The following PROSER2 variants were observed in gnomAD, a reference collection of about 807,000 sequenced individuals.
PROSER2 encodes the protein proline and serine-rich protein 2.
In PROSER2, 18 loss-of-function variants were observed where a neutral mutation model predicts 14.6. The observed-to-expected ratio is 1.23, with a 90% CI of 0.85 to 1.83. The LOEUF (loss-of-function observed/expected upper bound fraction) is 1.83, where lower values mean the gene tolerates loss of function less well. Among genes scored for constraint, PROSER2 ranks in the 40% most tolerant of loss-of-function variants. The pLI is 0.00. For missense variants in PROSER2, 823 were observed against 629.8 expected (o/e 1.31, Z -3.28); for synonymous variants, 367 against 286.4 (o/e 1.28, Z -2.84).
intron 1 of PROSER2, among the ~76,000 whole-genome samples, chr10:11,825,301 C>T (rs531420717): frequency 8.5e-5 from 13 of 152,270 alleles, no homozygotes; most frequent in African/African-American, 2.9e-4. Flanking sequence ...GGGCAGCTGC[C>T]GGTGGCACAG....
intron 2 of PROSER2, among the ~76,000 whole-genome samples, chr10:11,854,878 T>C (rs1834093808): frequency 6.6e-6 from 1 of 152,142 alleles, no homozygotes; most frequent in Non-Finnish European, 1.5e-5. Flanking sequence ...AGAGTAGCTA[T>C]AAGTTTTATT....
At chr10:11,833,247 T>TTTTTTTC in intron 1 of PROSER2, among the ~76,000 whole-genome samples, 1 of 145,114 alleles carries the variant, frequency 6.9e-6, no homozygotes, top group Non-Finnish European at 1.5e-5. Context: ...TTTTTTTTTT[T>TTTTTTTC]TTTTTTTTTA....
chr10:11,846,120 G>C (rs1396918226), intron 1 of PROSER2, among the ~76,000 whole-genome samples: 1 of 152,044 alleles, frequency 6.6e-6, no homozygotes, highest in Non-Finnish European at 1.5e-5. Flanking sequence ...CCAAGTAGCT[G>C]GGATTATAGG....
rs1387451940 is a variant in PROSER2 at position 11,856,101 on chromosome 10, G to A, written c.138+3886G>A. 3.9e-5 allele frequency among the ~76,000 whole-genome samples: 6 copies of A among 152,192 alleles called. No individual in the cohort carries two copies. The highest frequency in any genetic ancestry group is 1.4e-4 in the African/African-American group (6 of 41,456). ...GGCAGCTTTGATGTGTGTGCAAGGCGGTGCTTCCTGACAACGTCGGGAGTG... is the reference window on the plus strand; with the variant it reads ...GGCAGCTTTGATGTGTGTGCAAGGCAGTGCTTCCTGACAACGTCGGGAGTG... On this transcript the variant is annotated intron_variant, in intron 2 of 3. Coordinates refer to ENST00000277570, the MANE Select transcript of PROSER2 (RefSeq NM_153256.4). This position sits in a 1 kb window ranked among gnomAD's most constrained non-coding sequence, Gnocchi z 5.3.
Position 11,870,620 on chromosome 10 carries a change from A to C in PROSER2, c.*214A>C. 1 of 462,978 alleles carries C rather than the reference A, an allele frequency of 2.2e-6. No individual in the cohort carries two copies. Among genetic ancestry groups the C allele is most frequent in the Non-Finnish European group, 3.9e-6 (1 of 256,406 alleles). The allele number at this position is 462,978 out of a possible 1,614,324, so 28.7% of individuals were successfully genotyped here. On this transcript the variant is annotated 3_prime_UTR_variant, in exon 4 of 4. Coordinates refer to ENST00000277570, the MANE Select transcript of PROSER2 (RefSeq NM_153256.4). ...CACCGGCACAGAGAACTCTTCCCTA[A>C]AGGAATCTGGCCGAGGGCTTGTCTC...
intron 1 of PROSER2, among the ~76,000 whole-genome samples, chr10:11,846,013 G>A (rs1434475670): frequency 1.3e-5 from 2 of 152,122 alleles, no homozygotes; most frequent in South Asian, 2.1e-4. Context: ...TAGAGATGGA[G>A]TCTCACTCTG....
In PROSER2 at chr10:11,870,944, CTTGACGTACTTTAGTTTG is replaced by C. The variant is rs1005205384; in HGVS notation, c.*539_*556del. 6.5e-6 allele frequency: 1 copy of C among 154,438 alleles called. No individual in the cohort carries two copies. The highest frequency in any genetic ancestry group is 2.4e-5 in the African/African-American group (1 of 41,404). 9.6% of individuals were successfully genotyped at this position (154,438 alleles called of 1,614,324 possible). ...GCATCATGGTACTTTGCTTTTGTTT[CTTGACGTACTTTAGTTTG>C]CCCAGTTTTGTTTTTTACTGAAAAC... On this transcript the variant is annotated 3_prime_UTR_variant, in exon 4 of 4. Coordinates refer to ENST00000277570, the MANE Select transcript of PROSER2 (RefSeq NM_153256.4).
rs1051224669 is a variant in PROSER2 at position 11,862,178 on chromosome 10, A to C, written c.139-4353A>C. ...AGCCATGAGCCATATTCATGGGTCA[A>C]GAAAAGATCGCAGAGACATCAGTTC... On this transcript the variant is annotated intron_variant, in intron 2 of 3. Transcript: ENST00000277570. This position sits in a 1 kb window ranked among gnomAD's most constrained non-coding sequence, Gnocchi z 4.2. Among the ~76,000 whole-genome samples the C allele has an allele frequency of 2.0e-5, 3 of 152,252 alleles. No individual in the cohort carries two copies. The highest frequency in any genetic ancestry group is 4.4e-5 in the Non-Finnish European group (3 of 68,044).
At position 11,830,339 on chromosome 10, in the gene PROSER2, G is replaced by A. The variant is rs894749698; in HGVS notation, c.-82+6869G>A. 6.6e-6 allele frequency among the ~76,000 whole-genome samples: 1 copy of A among 152,156 alleles called. No homozygotes were observed. Among genetic ancestry groups the A allele is most frequent in the Non-Finnish European group, 1.5e-5 (1 of 68,032 alleles). On this transcript the variant is annotated intron_variant, in intron 1 of 3. Transcript: ENST00000277570. The surrounding 1 kb of genome is among the most constrained non-coding windows in gnomAD (Gnocchi z 4.5). Reference sequence around the variant, plus strand: ...GGATAATGCCTTCAGTTCCATCCACGTTGCTGCAAAAGACATGATTGCATT... The same window carrying A: ...GGATAATGCCTTCAGTTCCATCCACATTGCTGCAAAAGACATGATTGCATT...
Position 11,862,298 on chromosome 10 carries a change from C to A in PROSER2, c.139-4233C>A, listed in dbSNP as rs551063459. Among the ~76,000 whole-genome samples, 2 of 152,196 alleles carry A rather than the reference C, an allele frequency of 1.3e-5. No homozygotes were observed. The highest frequency in any genetic ancestry group is 4.2e-4 in the South Asian group (2 of 4,814). ...GAATATGCAAATTGACAAACTGATACTAAAATTTATGTGGAAATAAAAAAG... is the reference window on the plus strand; with the variant it reads ...GAATATGCAAATTGACAAACTGATAATAAAATTTATGTGGAAATAAAAAAG... On this transcript the variant is annotated intron_variant, in intron 2 of 3. Transcript: ENST00000277570. The surrounding 1 kb of genome is among the most constrained non-coding windows in gnomAD (Gnocchi z 4.2).
At chr10:11,868,498 T>C (rs1255980851) in intron 3 of PROSER2, among the ~76,000 whole-genome samples, 1 of 151,790 alleles carries the variant, frequency 6.6e-6, no homozygotes, top group Non-Finnish European at 1.5e-5. Context: ...TCTCGAACTC[T>C]TGGGCTCAAG....
Position 11,823,963 on chromosome 10 carries a change from G to A in PROSER2, c.-82+493G>A, listed in dbSNP as rs1434058524. Among the ~76,000 whole-genome samples the A allele has an allele frequency of 6.6e-6, 1 of 152,094 alleles. No individual in the cohort carries two copies. The highest frequency in any genetic ancestry group is 1.5e-5 in the Non-Finnish European group (1 of 67,984). On this transcript the variant is annotated intron_variant, in intron 1 of 3. Coordinates refer to ENST00000277570, the MANE Select transcript of PROSER2 (RefSeq NM_153256.4). This position sits in a 1 kb window ranked among gnomAD's most constrained non-coding sequence, Gnocchi z 6.2. ...CCTGGAATCACGCGGGGATGTGCAG[G>A]GTCTGCCCAGCCCAGCGCGGCGGGA...
At chr10:11,845,596 C>T (rs376578303) in intron 1 of PROSER2, among the ~76,000 whole-genome samples, 6 of 152,098 alleles carry the variant, frequency 3.9e-5, no homozygotes, top group Non-Finnish European at 8.8e-5. Flanking sequence ...GAGGATGGTT[C>T]GGTACCTAGA....
intron 2 of PROSER2, among the ~76,000 whole-genome samples, chr10:11,860,338 T>C (rs1426567997): frequency 3.3e-5 from 5 of 152,140 alleles, no homozygotes; most frequent in Admixed American, 6.5e-5. Context: ...ATTTTTGGGC[T>C]GGGCGCGGTA....
intron 1 of PROSER2, among the ~76,000 whole-genome samples, chr10:11,833,004 G>T (rs960112467): frequency 6.6e-6 from 1 of 151,892 alleles, no homozygotes; most frequent in South Asian, 2.1e-4. Flanking sequence ...CACCATGCCC[G>T]GCTAATTTTT....
rs1207495442 is a variant in PROSER2 at position 11,871,287 on chromosome 10, A to T, written c.*881A>T. On this transcript the variant is annotated 3_prime_UTR_variant, in exon 4 of 4. Transcript: ENST00000277570. ...CAGCATCCTGATGGATGATACAAGA[A>T]ATTGTTACTTCCTAGTATGGAAGTG... The T allele has an allele frequency of 1.3e-5, 2 of 152,184 alleles. No individual in the cohort carries two copies. Among genetic ancestry groups the T allele is most frequent in the Non-Finnish European group, 2.9e-5 (2 of 68,034 alleles). The allele number at this position is 152,184 out of a possible 1,614,324, so 9.4% of individuals were successfully genotyped here. A position where few individuals can be genotyped will look rare whatever the true frequency, so the allele number is the denominator to read the frequency against.
At chr10:11,835,437 A>G (rs1281257462) in intron 1 of PROSER2, among the ~76,000 whole-genome samples, 1 of 152,308 alleles carries the variant, frequency 6.6e-6, no homozygotes, top group East Asian at 1.9e-4. Flanking sequence ...TCTATAAATT[A>G]CTTTTAGAGT....
rs1834464075 is a variant in PROSER2 at position 11,870,482 on chromosome 10, C to G, written c.*76C>G. 8.1e-7 allele frequency: 1 copy of G among 1,237,294 alleles called. No individual in the cohort carries two copies. Among genetic ancestry groups the G allele is most frequent in the African/African-American group, 1.6e-5 (1 of 62,196 alleles). The allele number at this position is 1,237,294 out of a possible 1,614,324, so 76.6% of individuals were successfully genotyped here. A position where few individuals can be genotyped will look rare whatever the true frequency, so the allele number is the denominator to read the frequency against. On this transcript the variant is annotated 3_prime_UTR_variant, in exon 4 of 4. Coordinates refer to ENST00000277570, the MANE Select transcript of PROSER2 (RefSeq NM_153256.4). ...GTGAAAGAGTCGCTGCACCCAGGAGCTGTTTGGTCTAAAATGGAAGTGACA... is the reference window on the plus strand; with the variant it reads ...GTGAAAGAGTCGCTGCACCCAGGAGGTGTTTGGTCTAAAATGGAAGTGACA...
At chr10:11,864,978 A>C (rs1457725644) in intron 2 of PROSER2, among the ~76,000 whole-genome samples, 1 of 152,208 alleles carries the variant, frequency 6.6e-6, no homozygotes, top group Non-Finnish European at 1.5e-5. Context: ...CTGAAATGTC[A>C]CAATGATGCA....
Sources: allele counts gnomAD v4.1 joint callset (sites outside exome capture counted in the v4.1 genomes callset), GRCh38; gene constraint gnomAD v4.1.1; non-coding constraint Gnocchi (gnomAD v3.1); transcripts MANE v1.5; gene names NCBI Gene and HGNC (gene_info 2026-07-23, HGNC 2026-07-21).